JPH3: variants seen among roughly 807,000 people sequenced by gnomAD.
JPH3 encodes the protein junctophilin 3.
Under a neutral mutation model 59.6 loss-of-function variants are expected in JPH3, and 11 were observed. The observed-to-expected ratio is 0.18, with a 90% CI of 0.12 to 0.31. The LOEUF (loss-of-function observed/expected upper bound fraction) is 0.31. Ranked by LOEUF, JPH3 falls within the 10% of genes least tolerant of loss-of-function variation. JPH3 has a pLI of 1.00. For missense variants in JPH3, 1,202 were observed against 1,105.7 expected (o/e 1.09, Z -1.24); for synonymous variants, 673 against 483.6 (o/e 1.39, Z -5.14).
chr16:87,624,960 C>T (rs940521713), intron 1 of JPH3, among the ~76,000 whole-genome samples: 2 of 152,120 alleles, frequency 1.3e-5, no homozygotes, highest in African/African-American at 4.8e-5. Flanking sequence ...CCACCATGCC[C>T]GGCTAATTTT....
Position 87,690,043 on chromosome 16 carries a change from G to A in JPH3, c.1683G>A (p.Ser561=), listed in dbSNP as rs1399479552. Residue 561 remains serine, a synonymous_variant, in exon 4 of 5, where the codon TCG becomes TCA. Coordinates refer to ENST00000284262, the MANE Select transcript of JPH3 (RefSeq NM_020655.4). Reference sequence around the variant, plus strand: ...TGGATGACTTCCGCACCCGAGGTTCGGGCCGCAAGCAGCCCGGGAACCCCA... The same window carrying A: ...TGGATGACTTCCGCACCCGAGGTTCAGGCCGCAAGCAGCCCGGGAACCCCA... ...LLVDDFRTRG[S]GRKQPGNPKP... The A allele has an allele frequency of 3.2e-6, 5 of 1,556,470 alleles. No homozygotes were observed. The highest frequency in any genetic ancestry group is 1.7e-6 in the Non-Finnish European group (2 of 1,150,220).
intron 2 of JPH3, among the ~76,000 whole-genome samples, chr16:87,668,833 C>T (rs1227047434): frequency 6.6e-6 from 1 of 152,136 alleles, no homozygotes; most frequent in Non-Finnish European, 1.5e-5. Flanking sequence ...GAGGGATGTC[C>T]CTGTGGAGCC....
intron 1 of JPH3, among the ~76,000 whole-genome samples, chr16:87,615,260 G>A (rs1051732684): frequency 3.9e-5 from 6 of 152,192 alleles, no homozygotes; most frequent in African/African-American, 7.2e-5. Context: ...AAAATAGGCC[G>A]GGATCAGCAG....
intron 1 of JPH3, among the ~76,000 whole-genome samples, chr16:87,620,457 A>AGAGGAGAGAGGGAGAGAAGGAGAG (rs150066840): frequency 6.3e-5 from 6 of 94,894 alleles, no homozygotes; most frequent in African/African-American, 2.4e-4. Context: ...AGAGAGAAGG[A>AGAGGAGAGAGGGAGAGAAGGAGAG]GAGAGAGGGA....
intron 1 of JPH3, among the ~76,000 whole-genome samples, chr16:87,633,179 G>A (rs1439821261): frequency 6.6e-6 from 1 of 152,134 alleles, no homozygotes; most frequent in Non-Finnish European, 1.5e-5. Context: ...GGAAGGTCAG[G>A]GTCAAGGTGC....
intron 2 of JPH3, among the ~76,000 whole-genome samples, chr16:87,648,509 C>T (rs2062064324): frequency 6.6e-6 from 1 of 152,154 alleles, no homozygotes; most frequent in Admixed American, 6.5e-5. Flanking sequence ...AAGTGAGAAA[C>T]GGTTTGCGGT....
chr16:87,640,987 C>A (rs765377345), intron 1 of JPH3, among the ~76,000 whole-genome samples: 10 of 152,232 alleles, frequency 6.6e-5, no homozygotes, highest in Non-Finnish European at 1.2e-4. Flanking sequence ...CAGTTTCCTC[C>A]TCACAACCCC....
rs2059556793 is a variant in JPH3, at chr16:87,602,746, G to A, written c.-401G>A. ...GTGGGGGGCCGCGGCCCGGGCCTGAGCTGCCCCCCGCCCGGCCTCGGCGCG... is the reference window on the plus strand; with the variant it reads ...GTGGGGGGCCGCGGCCCGGGCCTGAACTGCCCCCCGCCCGGCCTCGGCGCG... On this transcript the variant is annotated 5_prime_UTR_variant, in exon 1 of 5. Transcript: ENST00000284262. 7.4e-6 allele frequency: 1 copy of A among 135,654 alleles called. No individual in the cohort carries two copies. Among genetic ancestry groups the A allele is most frequent in the Non-Finnish European group, 1.6e-5 (1 of 61,694 alleles). The allele number at this position is 135,654 out of a possible 1,614,324, so 8.4% of individuals were successfully genotyped here. A position where few individuals can be genotyped will look rare whatever the true frequency, so the allele number is the denominator to read the frequency against.
chr16:87,639,519 C>T (rs376930848), intron 1 of JPH3, among the ~76,000 whole-genome samples: 10 of 152,194 alleles, frequency 6.6e-5, no homozygotes, highest in East Asian at 5.8e-4. Flanking sequence ...GCTGTTCAAC[C>T]GTCACCAGAA....
chr16:87,643,726 G>A (rs574177601), intron 1 of JPH3, among the ~76,000 whole-genome samples: 2 of 152,306 alleles, frequency 1.3e-5, no homozygotes, highest in African/African-American at 4.8e-5. Flanking sequence ...TTCCAAGAGA[G>A]AACAAGATCT....
chr16:87,627,370 C>A (rs1019380770), intron 1 of JPH3, among the ~76,000 whole-genome samples: 4 of 152,236 alleles, frequency 2.6e-5, no homozygotes, highest in Non-Finnish European at 5.9e-5. Context: ...ATAACAGCAG[C>A]GGTCTCCAGA....
rs115751247 is a variant in JPH3 at position 87,680,751 on chromosome 16, C to T, written c.1161-3391C>T. 5.0e-3 allele frequency among the ~76,000 whole-genome samples: 766 copies of T among 152,316 alleles called. 9 individuals are homozygous for T. The highest frequency in any genetic ancestry group is 0.017 in the African/African-American group (722 of 41,566). ...ACCTGGTGTCTCATTTATGACAAAC[C>T]GCTGCAGTGCGTTTGGGAGTCTCCT... On this transcript the variant is annotated intron_variant, in intron 2 of 4. Transcript: ENST00000284262.
intron 2 of JPH3, among the ~76,000 whole-genome samples, chr16:87,669,188 A>G (rs540934921): frequency 6.6e-6 from 1 of 152,286 alleles, no homozygotes; most frequent in East Asian, 1.9e-4. Flanking sequence ...CTCTAGGGCC[A>G]GGTGGTCTAA....
intron 2 of JPH3, among the ~76,000 whole-genome samples, chr16:87,680,371 G>GTGTGCGCCCGGAAGGAAGCGT (rs1246988591): frequency 2.0e-4 from 31 of 152,264 alleles, no homozygotes; most frequent in African/African-American, 7.5e-4. Context: ...GAAGGAAGCG[G>GTGTGCGCCCGGAAGGAAGCGT]TGTGGACCCA....
chr16:87,692,646 C>G (rs1241370774), intron 4 of JPH3, among the ~76,000 whole-genome samples: 3 of 152,116 alleles, frequency 2.0e-5, no homozygotes, highest in Non-Finnish European at 4.4e-5. Flanking sequence ...AGGGCCCTGG[C>G]AATTCAGGGT....
At chr16:87,645,856 T>C (rs896914032) in intron 2 of JPH3, among the ~76,000 whole-genome samples, 4 of 152,254 alleles carry the variant, frequency 2.6e-5, no homozygotes, top group African/African-American at 9.6e-5. Flanking sequence ...AGTTCCCCTG[T>C]GGAAAGCCAC....
chr16:87,639,112 T>C (rs1271325966), intron 1 of JPH3, among the ~76,000 whole-genome samples: 1 of 152,068 alleles, frequency 6.6e-6, no homozygotes, highest in Non-Finnish European at 1.5e-5. Context: ...GGAAGAGAGG[T>C]GCAGGGCTTT....
intron 1 of JPH3, among the ~76,000 whole-genome samples, chr16:87,614,709 T>A (rs12917840): frequency 2.0e-5 from 2 of 100,508 alleles, no homozygotes; most frequent in African/African-American, 3.6e-5. Context: ...CGGGATAAAC[T>A]CTGGTCCCTG....
chr16:87,641,195 G>T (rs543132192), intron 1 of JPH3, among the ~76,000 whole-genome samples: 1 of 152,312 alleles, frequency 6.6e-6, no homozygotes, highest in South Asian at 2.1e-4. Context: ...GGTGTTGTGG[G>T]GTCCCTGGGG....
Sources: allele counts gnomAD v4.1 joint callset (sites outside exome capture counted in the v4.1 genomes callset), GRCh38; gene constraint gnomAD v4.1.1; transcripts MANE v1.5; gene names NCBI Gene and HGNC (gene_info 2026-07-23, HGNC 2026-07-21).